Variants in NARS2 observed in about 807,000 individuals in gnomAD.
NARS2 encodes the protein asparaginyl-tRNA synthetase.
NARS2 carries 60 observed loss-of-function variants against 62.9 expected under a neutral mutation model. That is an observed-to-expected ratio of 0.95 (90% CI 0.77 to 1.18). NARS2 has a LOEUF of 1.18. NARS2 is among the 50% of genes most tolerant of loss of function. The pLI is 0.00. For synonymous variants in NARS2, 196 were observed against 200.0 expected (o/e 0.98, Z 0.17); for missense variants, 619 against 576.4 (o/e 1.07, Z -0.76).
Position 78,567,973 on chromosome 11 carries a change from T to C in NARS2, c.372+659A>G, listed in dbSNP as rs559141570. Among the ~76,000 whole-genome samples, 4 of 152,366 alleles carry C rather than the reference T, an allele frequency of 2.6e-5. No individual in the cohort carries two copies. The East Asian group carries it at 7.7e-4, about 29-fold the overall frequency. On this transcript the variant is annotated intron_variant, in intron 3 of 13. Coordinates refer to ENST00000281038, the MANE Select transcript of NARS2 (RefSeq NM_024678.6). ...TTAAAGAATTTCATTAATAATCTTT[T>C]ATTCTCTCTAACCTCTTTATCAAGC...
At chr11:78,538,331 C>T (rs1190846433) in intron 5 of NARS2, among the ~76,000 whole-genome samples, 6 of 152,132 alleles carry the variant, frequency 3.9e-5, no homozygotes, top group South Asian at 2.1e-4. Context: ...TCTGTATATA[C>T]ACCTCATTCA....
chr11:78,444,257 T>C (rs762764189), intron 11 of NARS2, among the ~76,000 whole-genome samples: 10 of 152,228 alleles, frequency 6.6e-5, no homozygotes, highest in Non-Finnish European at 1.3e-4. Context: ...CTTTCCTTTT[T>C]AGTTGAACAT....
chr11:78,475,002 A>G (rs1859028730), intron 9 of NARS2, among the ~76,000 whole-genome samples: 1 of 152,146 alleles, frequency 6.6e-6, no homozygotes, highest in Admixed American at 6.5e-5. Flanking sequence ...TTGTTATGCA[A>G]TAAATCCTGA....
rs117841891 is a variant in NARS2, at chr11:78,570,555, T to C, written c.251+780A>G. The stretch of plus-strand genomic sequence containing the variant: ...GGTGCACATCACCATGACAAACTCA[T>C]TTTTATATTTTTGGTAGAGACGGGG... On this transcript the variant is annotated intron_variant, in intron 2 of 13. Coordinates refer to ENST00000281038, the MANE Select transcript of NARS2 (RefSeq NM_024678.6). Among the ~76,000 whole-genome samples the C allele has an allele frequency of 1.3e-4, 20 of 152,278 alleles. No individual in the cohort carries two copies. In the East Asian group the frequency reaches 3.5e-3, roughly 26 times the overall value.
chr11:78,478,172 T>A (rs190072649), intron 9 of NARS2, among the ~76,000 whole-genome samples: 1 of 152,152 alleles, frequency 6.6e-6, no homozygotes, highest in Non-Finnish European at 1.5e-5. Flanking sequence ...TAATAGTTAC[T>A]AGATTTTATC....
intron 6 of NARS2, among the ~76,000 whole-genome samples, chr11:78,500,030 C>T (rs1304741971): frequency 6.6e-6 from 1 of 152,168 alleles, no homozygotes; most frequent in Non-Finnish European, 1.5e-5. Context: ...ACTTTAGTTA[C>T]ATGTACTACA....
In NARS2 at chr11:78,574,671, T is replaced by C; in HGVS notation, c.-183A>G. The C allele has an allele frequency of 3.2e-6, 2 of 630,248 alleles. No homozygotes were observed. The highest frequency in any genetic ancestry group is 1.9e-5 in the African/African-American group (1 of 53,910). 39.0% of individuals were successfully genotyped at this position (630,248 alleles called of 1,614,324 possible). On this transcript the variant is annotated 5_prime_UTR_variant, in exon 1 of 14. Transcript: ENST00000281038. Reference sequence around the variant, plus strand: ...CTCCCAGCTCTGTCCCCACAGAACCTCTCCGCTTCCCACTTCCCAACGGGG... The same window carrying C: ...CTCCCAGCTCTGTCCCCACAGAACCCCTCCGCTTCCCACTTCCCAACGGGG...
At chr11:78,539,791 A>G (rs1030522902) in intron 5 of NARS2, among the ~76,000 whole-genome samples, 9 of 152,178 alleles carry the variant, frequency 5.9e-5, no homozygotes, top group African/African-American at 1.9e-4. Context: ...CAATATATAC[A>G]AAGTCCTGCG....
intron 1 of NARS2, among the ~76,000 whole-genome samples, chr11:78,572,150 C>A (rs1856951224): frequency 6.6e-6 from 1 of 152,108 alleles, no homozygotes; most frequent in Non-Finnish European, 1.5e-5. Flanking sequence ...CCAGTGCACT[C>A]CAGCCTGGGT....
At chr11:78,439,518 A>G (rs943034700) in intron 13 of NARS2, among the ~76,000 whole-genome samples, 6 of 152,196 alleles carry the variant, frequency 3.9e-5, no homozygotes, top group African/African-American at 1.4e-4. Context: ...CTATGTAGAT[A>G]CTTAACCTGT....
intron 5 of NARS2, among the ~76,000 whole-genome samples, chr11:78,542,330 T>A (rs554896022): frequency 1.0e-3 from 159 of 152,324 alleles, no homozygotes; most frequent in Admixed American, 2.0e-3. Context: ...GAATATACAA[T>A]GCTGCCTTAT....
At chr11:78,574,024 C>G (rs1301435826) in intron 1 of NARS2, among the ~76,000 whole-genome samples, 1 of 152,176 alleles carries the variant, frequency 6.6e-6, no homozygotes, top group Non-Finnish European at 1.5e-5. Flanking sequence ...GAGGTCAAGA[C>G]AACCACTTTA....
At chr11:78,533,023 T>A (rs1408779551) in intron 5 of NARS2, among the ~76,000 whole-genome samples, 1 of 152,174 alleles carries the variant, frequency 6.6e-6, no homozygotes, top group Admixed American at 6.5e-5. Context: ...TTGAACAAAC[T>A]CTTTTAAAAT....
chr11:78,470,533 C>T (rs185933300), intron 9 of NARS2, among the ~76,000 whole-genome samples: 1 of 152,194 alleles, frequency 6.6e-6, no homozygotes, highest in East Asian at 1.9e-4. Flanking sequence ...TACTAATATA[C>T]CTTGCAGATC....
At chr11:78,446,099 C>A (rs1193914166) in intron 11 of NARS2, among the ~76,000 whole-genome samples, 1 of 152,058 alleles carries the variant, frequency 6.6e-6, no homozygotes, top group East Asian at 1.9e-4. Context: ...ATGAGAAATC[C>A]ATAAAACACA....
chr11:78,553,051 T>C (rs940097714), intron 5 of NARS2, among the ~76,000 whole-genome samples: 15 of 152,206 alleles, frequency 9.9e-5, no homozygotes, highest in Admixed American at 2.0e-4. Flanking sequence ...TCCACAATGG[T>C]TGAGCTAATT....
Position 78,574,793 on chromosome 11 carries a change from C to G in NARS2, c.-305G>C, listed in dbSNP as rs1451879750. ...CCCGCGACAATTGTAAACCTACGAACAGAACCCGGGCCGCAACACGCGCAA... is the reference window on the plus strand; with the variant it reads ...CCCGCGACAATTGTAAACCTACGAAGAGAACCCGGGCCGCAACACGCGCAA... On this transcript the variant is annotated 5_prime_UTR_variant, in exon 1 of 14. Coordinates refer to ENST00000281038, the MANE Select transcript of NARS2 (RefSeq NM_024678.6). The G allele has an allele frequency of 1.4e-5, 5 of 348,194 alleles. No individual in the cohort carries two copies. The Admixed American group carries it at 2.2e-4, about 16-fold the overall frequency. 21.6% of individuals were successfully genotyped at this position (348,194 alleles called of 1,614,324 possible).
intron 5 of NARS2, among the ~76,000 whole-genome samples, chr11:78,557,696 G>C (rs1856404831): frequency 6.6e-6 from 1 of 151,822 alleles, no homozygotes; most frequent in South Asian, 2.1e-4. Context: ...CATTTGTTTA[G>C]CTTCAGAAAT....
At chr11:78,505,269 TACACAC>T (rs10533814) in intron 6 of NARS2, among the ~76,000 whole-genome samples, 10,692 of 133,178 alleles carry the variant, frequency 0.08, 521 homozygotes, top group African/African-American at 0.13. Context: ...GAAAACAAAA[TACACAC>T]ACACACACAC....
Sources: allele counts gnomAD v4.1 joint callset (sites outside exome capture counted in the v4.1 genomes callset), GRCh38; gene constraint gnomAD v4.1.1; transcripts MANE v1.5; gene names NCBI Gene and HGNC (gene_info 2026-07-23, HGNC 2026-07-21).